CYFIP1: variants seen among roughly 807,000 people sequenced by gnomAD.
CYFIP1 encodes cytoplasmic FMR1-interacting protein 1.
Under a neutral mutation model 163.5 loss-of-function variants are expected in CYFIP1, and 58 were observed. The observed-to-expected ratio is 0.35, with a 90% CI of 0.29 to 0.44. CYFIP1 has a LOEUF of 0.44. Among genes scored for constraint, CYFIP1 ranks in the 20% least tolerant of loss-of-function variants. The pLI is 1.00. For missense variants in CYFIP1, 1,338 were observed against 1,653.8 expected (o/e 0.81, Z 3.31); for synonymous variants, 663 against 660.7 (o/e 1.00, Z -0.05).
chr15:22,896,729 G>A (rs571097665), intron 22 of CYFIP1, among the ~76,000 whole-genome samples: 44 of 152,180 alleles, frequency 2.9e-4, no homozygotes, highest in Admixed American at 9.8e-4. Flanking sequence ...ATGCATAGTC[G>A]CTGCCTTAAC....
chr15:22,939,420 CTT>C lies in CYFIP1; in HGVS notation c.655_656del (p.Lys219AspfsTer40), dbSNP rs1567002547. The C allele has an allele frequency of 1.2e-6, 2 of 1,614,112 alleles. No homozygotes were observed. The highest frequency in any genetic ancestry group is 2.2e-5 in the East Asian group (1 of 44,886). On this transcript the variant is annotated frameshift_variant, in exon 7 of 31. Coordinates refer to ENST00000617928, the MANE Select transcript of CYFIP1 (RefSeq NM_014608.6). LOFTEE classifies it high-confidence loss of function. The part of the protein sequence containing the change: ...NLSMFLANHN[K>X]ITQSLQQQLE... ...CAAACACCAGCCTTACCTGTGTGAT[CTT>C]GTTATGATTGGCCAGGAACATGGAC...
chr15:22,934,038 G>A, intron 9 of CYFIP1, 145 bp from the exon 10 acceptor site: 2 of 569,292 alleles, frequency 3.5e-6, no homozygotes, highest in Admixed American at 3.1e-5. Flanking sequence ...AAAACTATAA[G>A]TAACTTCTAC....
chr15:22,928,819 G>T (rs1205453149), intron 11 of CYFIP1, among the ~76,000 whole-genome samples: 2 of 152,136 alleles, frequency 1.3e-5, no homozygotes, highest in African/African-American at 4.8e-5. Context: ...GCAATGCCTA[G>T]AAGTCAAAAG....
In CYFIP1 at chr15:22,932,213, C is replaced by T. The variant is rs774951528; in HGVS notation, c.1110+10G>A. 1.7e-5 allele frequency: 27 copies of T among 1,601,986 alleles called. No homozygotes were observed. Among genetic ancestry groups the T allele is most frequent in the Admixed American group, 1.0e-4 (6 of 58,378 alleles). On this transcript the variant is annotated intron_variant, in intron 11 of 30. Coordinates refer to ENST00000617928, the MANE Select transcript of CYFIP1 (RefSeq NM_014608.6). ...CGGGTGCCTGTGCAGCTCCAGGTCG[C>T]GGGGCGCACCTCGCTGTTGCTGTAG...
intron 22 of CYFIP1, among the ~76,000 whole-genome samples, chr15:22,897,686 G>A (rs963259074): frequency 2.0e-5 from 3 of 152,068 alleles, no homozygotes; most frequent in African/African-American, 7.2e-5. Flanking sequence ...GTTTCACCAT[G>A]TTGGCCAGGC....
intron 1 of CYFIP1, among the ~76,000 whole-genome samples, chr15:22,962,401 C>CTTT (rs397738085): frequency 2.1e-5 from 3 of 142,752 alleles, no homozygotes; most frequent in African/African-American, 5.2e-5. Context: ...TCTTTTTTTT[C>CTTT]TTTTTTTTTT....
chr15:22,894,179 G>A (rs902220161), intron 22 of CYFIP1, among the ~76,000 whole-genome samples: 1 of 152,080 alleles, frequency 6.6e-6, no homozygotes, highest in Non-Finnish European at 1.5e-5. Context: ...TGGTGACGGC[G>A]GGGTGCGGGA....
chr15:22,875,823 T>C (rs1204273078), intron 26 of CYFIP1, among the ~76,000 whole-genome samples: 1 of 146,870 alleles, frequency 6.8e-6, no homozygotes, highest in East Asian at 1.9e-4. Context: ...CGAACTGCTC[T>C]TGGGTCACAA....
In CYFIP1 at chr15:22,909,341, TAA is replaced by T. The variant is rs771578800; in HGVS notation, c.2269-30_2269-29del. 3.7e-6 allele frequency: 6 copies of T among 1,612,846 alleles called. No individual in the cohort carries two copies. The African/African-American group carries it at 6.7e-5, about 18-fold the overall frequency. Reference sequence around the variant, plus strand: ...GGCGTACACAGGGAAGGATGGCAGGTAAAGAGTGGACATGAGCAGCTCGAAAA... The same window carrying T: ...GGCGTACACAGGGAAGGATGGCAGGTAGAGTGGACATGAGCAGCTCGAAAA... On this transcript the variant is annotated intron_variant, in intron 20 of 30. Coordinates refer to ENST00000617928, the MANE Select transcript of CYFIP1 (RefSeq NM_014608.6).
At chr15:22,875,885 C>CATATATATAT (rs10640110) in intron 26 of CYFIP1, among the ~76,000 whole-genome samples, 3,588 of 130,812 alleles carry the variant, frequency 0.027, 244 homozygotes, top group East Asian at 0.21. Context: ...TCCAGAATAA[C>CATATATATAT]ATATATATAT....
intron 1 of CYFIP1, among the ~76,000 whole-genome samples, chr15:22,977,948 C>T (rs1041182487): frequency 6.6e-6 from 1 of 152,050 alleles, no homozygotes; most frequent in Non-Finnish European, 1.5e-5. Context: ...TGAGTATGTG[C>T]ACAAAGATAC....
rs1208434584 is a variant in CYFIP1, at chr15:22,947,085, A to C, written c.125T>G (p.Phe42Cys). The C allele has an allele frequency of 6.2e-7, 1 of 1,614,130 alleles. No individual in the cohort carries two copies. The highest frequency in any genetic ancestry group is 1.1e-5 in the South Asian group (1 of 91,078). ...ATTTCTGTCTTCAAAGTTAGTGTTG[A>C]AATTTGGCTGAAGGAAAGGAAGAGA... ...PPSSLLYQPN[F>C]NTNFEDRNAF... Residue 42 changes from phenylalanine (F) to cysteine (C), a missense_variant, in exon 3 of 31, where the codon TTC (phenylalanine) becomes TGC (cysteine). Around this residue, in one of 4 missense-constraint regions of CYFIP1, gnomAD observed 186 missense variants for 288.3 expected, o/e 0.65. Coordinates refer to ENST00000617928, the MANE Select transcript of CYFIP1 (RefSeq NM_014608.6).
At chr15:22,976,197 GC>G (rs1163171346) in intron 1 of CYFIP1, among the ~76,000 whole-genome samples, 34 of 149,292 alleles carry the variant, frequency 2.3e-4, no homozygotes, top group African/African-American at 7.2e-4. Context: ...TCGCTCTGTT[GC>G]CCAGGCTGGA....
At chr15:22,911,605 C>A (rs1404876458) in intron 18 of CYFIP1, among the ~76,000 whole-genome samples, 3 of 152,182 alleles carry the variant, frequency 2.0e-5, no homozygotes, top group African/African-American at 7.2e-5. Context: ...AAGTGGGACC[C>A]AGGACCCATC....
At chr15:22,871,715 G>A (rs971212205) in intron 30 of CYFIP1, among the ~76,000 whole-genome samples, 4 of 152,210 alleles carry the variant, frequency 2.6e-5, no homozygotes, top group African/African-American at 9.6e-5. Context: ...GAAGACTAGA[G>A]GCTGAGACTG....
intron 1 of CYFIP1, among the ~76,000 whole-genome samples, chr15:22,976,093 AT>A (rs1841250588): frequency 2.0e-5 from 3 of 152,198 alleles, no homozygotes; most frequent in African/African-American, 7.2e-5. Context: ...TGTAAGTCTT[AT>A]TCAATGTATA....
chr15:22,888,681 G>C (rs1262590855), intron 23 of CYFIP1, among the ~76,000 whole-genome samples: 1 of 149,584 alleles, frequency 6.7e-6, no homozygotes, highest in Non-Finnish European at 1.5e-5. Context: ...TCAGTGAACT[G>C]TGATTGCGCC....
At chr15:22,957,092 T>A (rs1331348585) in intron 1 of CYFIP1, among the ~76,000 whole-genome samples, 1 of 152,202 alleles carries the variant, frequency 6.6e-6, no homozygotes, top group Non-Finnish European at 1.5e-5. Flanking sequence ...GGCAGTGCTG[T>A]GGCAGGCGGC....
chr15:22,975,700 A>G (rs1443588071), intron 1 of CYFIP1, among the ~76,000 whole-genome samples: 1 of 152,196 alleles, frequency 6.6e-6, no homozygotes, highest in African/African-American at 2.4e-5. Context: ...CAGAGGTTGC[A>G]GTGTGCCAAG....
Sources: gnomAD v4.1 joint callset for allele counts (sites outside exome capture counted in the v4.1 genomes callset) on GRCh38, gnomAD v4.1.1 for gene constraint, gnomAD v4.1.1 regional missense constraint, MANE v1.5 for transcripts, NCBI Gene and HGNC (gene_info 2026-07-23, HGNC 2026-07-21) for gene names.